Variants in CYREN observed in about 807,000 individuals in gnomAD.
CYREN encodes cell cycle regulator of NHEJ.
Under a neutral mutation model 9.7 loss-of-function variants are expected in CYREN, and 7 were observed. The observed-to-expected ratio is 0.72, with a 90% CI of 0.41 to 1.36. The LOEUF is 1.36. Among genes scored for constraint, CYREN ranks in the 40% most tolerant of loss-of-function variants. CYREN has a pLI of 0.01. For synonymous variants in CYREN, 76 were observed against 77.9 expected (o/e 0.98, Z 0.13); for missense variants, 215 against 198.1 (o/e 1.09, Z -0.51).
intron 2 of CYREN, among the ~76,000 whole-genome samples, chr7:135,133,096 CACAA>C (rs1212689541): frequency 1.4e-5 from 2 of 138,784 alleles, no homozygotes; most frequent in African/African-American, 2.6e-5. Flanking sequence ...CACACACACA[CACAA>C]CCTTTAGAAT....
At chr7:135,133,163 C>T (rs773798702) in intron 2 of CYREN, among the ~76,000 whole-genome samples, 1 of 152,088 alleles carries the variant, frequency 6.6e-6, no homozygotes, top group Non-Finnish European at 1.5e-5. Flanking sequence ...AAATTAATTG[C>T]TCTTCTATAA....
chr7:135,164,741 TCTC>T, downstream of CYREN: 1 of 1,614,170 alleles, frequency 6.2e-7, no homozygotes, highest in South Asian at 1.1e-5. Flanking sequence ...CCCCCCAGCC[TCTC>T]CTCCTAGCCC....
At chr7:135,164,705 C>T (rs572695038), downstream of CYREN, 261 of 1,614,198 alleles carry the variant, frequency 1.6e-4, 4 homozygotes, top group South Asian at 2.2e-3. Flanking sequence ...TTGGCGTGTA[C>T]GGGTCCCTGG....
downstream of CYREN, among the ~76,000 whole-genome samples, chr7:135,161,375 G>A (rs1044138370): frequency 6.6e-6 from 1 of 152,136 alleles, no homozygotes; most frequent in Non-Finnish European, 1.5e-5. The surrounding 1 kb of genome is among the most constrained non-coding windows in gnomAD (Gnocchi z 4.1). Flanking sequence ...ATTCAAATGG[G>A]AAAAGTGAGA....
intron 2 of CYREN, among the ~76,000 whole-genome samples, chr7:135,108,432 C>T (rs1825097700): frequency 6.6e-6 from 1 of 152,132 alleles, no homozygotes; most frequent in South Asian, 2.1e-4. Flanking sequence ...ATTGGCTTAT[C>T]TAAAATGGAT....
intron 2 of CYREN, among the ~76,000 whole-genome samples, chr7:135,112,671 T>C (rs1401957097): frequency 6.6e-6 from 1 of 152,262 alleles, no homozygotes; most frequent in Non-Finnish European, 1.5e-5. Flanking sequence ...TACTTTTTGC[T>C]CTCTAGTCCT....
At chr7:135,156,037 T>C (rs552128345) in intron 2 of CYREN, among the ~76,000 whole-genome samples, 25 of 152,332 alleles carry the variant, frequency 1.6e-4, no homozygotes, top group Non-Finnish European at 2.4e-4. Context: ...ACACTGTTTT[T>C]TTTTTTCCCT....
rs118067365 is a variant in CYREN at position 135,125,266 on chromosome 7, C to A, written n.357-30684G>T. Among the ~76,000 whole-genome samples, 486 of 152,214 alleles carry A rather than the reference C, an allele frequency of 3.2e-3. 6 individuals are homozygous for A. The highest frequency in any genetic ancestry group is 7.7e-3 in the South Asian group (37 of 4,814). ...CTACCATCAGAGAATACTATCAACA[C>A]CTTGATGCAAATAAACTAGAAAATC... On this transcript the variant is annotated intron_variant and non_coding_transcript_variant, in intron 2 of 2. Transcript: ENST00000459937.
intron 2 of CYREN, among the ~76,000 whole-genome samples, chr7:135,138,155 T>C (rs1051697813): frequency 1.3e-5 from 2 of 152,014 alleles, no homozygotes; most frequent in South Asian, 4.1e-4. Context: ...TTGTCATCTC[T>C]AGAGCTGCTC....
intron 2 of CYREN, 108 bp from the exon 3 acceptor site, chr7:135,167,915 G>A: frequency 6.4e-7 from 1 of 1,557,988 alleles, no homozygotes; most frequent in Admixed American, 1.9e-5. Context: ...TACCACGCAG[G>A]AGGTACCAGC....
At chr7:135,120,660 T>G (rs1421382016) in intron 2 of CYREN, among the ~76,000 whole-genome samples, 1 of 152,184 alleles carries the variant, frequency 6.6e-6, no homozygotes, top group Admixed American at 6.5e-5. Flanking sequence ...ACAGAATGAA[T>G]TTTAAAACAT....
downstream of CYREN, chr7:135,164,774 A>C (rs377098001): frequency 2.9e-5 from 46 of 1,614,012 alleles, no homozygotes; most frequent in Non-Finnish European, 3.5e-5. Flanking sequence ...GTGATGAGAG[A>C]GCGTGGCGGC....
At chr7:135,121,062 G>A (rs554988194) in intron 2 of CYREN, among the ~76,000 whole-genome samples, 4 of 152,222 alleles carry the variant, frequency 2.6e-5, no homozygotes, top group Non-Finnish European at 4.4e-5. Context: ...AAAATTAGCC[G>A]GGTGTGGTGT....
intron 2 of CYREN, among the ~76,000 whole-genome samples, chr7:135,156,757 G>T (rs532338902): frequency 6.6e-6 from 1 of 152,226 alleles, no homozygotes; most frequent in African/African-American, 2.4e-5. Flanking sequence ...AGCTGTTGTG[G>T]TTCTTTGATG....
At chr7:135,115,504 A>G (rs1173909969) in intron 2 of CYREN, 1 of 1,551,402 alleles carries the variant, frequency 6.4e-7, no homozygotes, top group East Asian at 2.4e-5. Context: ...TTCAAACTCA[A>G]GAAATATTGC....
At chr7:135,121,498 G>A (rs773883115) in intron 2 of CYREN, among the ~76,000 whole-genome samples, 35 of 150,250 alleles carry the variant, frequency 2.3e-4, no homozygotes, top group Admixed American at 3.3e-4. Context: ...CATAGAAAGT[G>A]TATATCTGAC....
At chr7:135,133,098 C>G (rs1345243309) in intron 2 of CYREN, among the ~76,000 whole-genome samples, 1 of 141,358 alleles carries the variant, frequency 7.1e-6, no homozygotes, top group Non-Finnish European at 1.6e-5. Flanking sequence ...CACACACACA[C>G]AACCTTTAGA....
chr7:135,105,070 G>GTTTTT (rs71172498), intron 2 of CYREN, among the ~76,000 whole-genome samples: 6 of 127,074 alleles, frequency 4.7e-5, no homozygotes, highest in Admixed American at 1.7e-4. Context: ...TTACATTCAA[G>GTTTTT]TTTTTTTTTT....
chr7:135,144,053 G>T (rs562977828), intron 2 of CYREN, among the ~76,000 whole-genome samples: 1 of 152,134 alleles, frequency 6.6e-6, no homozygotes, highest in Non-Finnish European at 1.5e-5. Flanking sequence ...TCTCCCTACC[G>T]CTGTGAAGCA....
Sources: gnomAD v4.1 joint callset for allele counts (sites outside exome capture counted in the v4.1 genomes callset) on GRCh38, gnomAD v4.1.1 for gene constraint, Gnocchi (gnomAD v3.1) non-coding constraint, MANE v1.5 for transcripts, NCBI Gene and HGNC (gene_info 2026-07-23, HGNC 2026-07-21) for gene names.